The following PDE8B variants were observed in gnomAD, a reference collection of about 807,000 sequenced individuals.
PDE8B encodes phosphodiesterase 8B.
In PDE8B, 26 loss-of-function variants were observed where a neutral mutation model predicts 101.3. That is an observed-to-expected ratio of 0.26 (90% confidence interval 0.19 to 0.36). The LOEUF is 0.36. Ranked by LOEUF, PDE8B falls within the 10% of genes least tolerant of loss-of-function variation. The probability of loss-of-function intolerance (pLI) is 1.00; values close to 1 mark genes in which losing one functional copy is unlikely to be tolerated. For synonymous variants in PDE8B, 424 were observed against 429.3 expected, an observed-to-expected ratio of 0.99 and a Z score of 0.15; for missense variants, 810 against 1,163.1, an observed-to-expected ratio of 0.70 and a Z score of 4.42.
chr5:77,410,225 C>T (rs1331639940), intron 14 of PDE8B, among the ~76,000 whole-genome samples: 2 of 152,222 alleles, frequency 1.3e-5, no homozygotes, highest in African/African-American at 4.8e-5. Flanking sequence ...GCTTGCAGAG[C>T]GGGGCTACCC....
intron 1 of PDE8B, among the ~76,000 whole-genome samples, chr5:77,257,610 A>T (rs1191487626): frequency 6.6e-6 from 1 of 152,192 alleles, no homozygotes; most frequent in Non-Finnish European, 1.5e-5. Flanking sequence ...ATAAATAAAT[A>T]AACCAACATT....
At position 77,309,941 on chromosome 5, in the gene PDE8B, A is replaced by ACCTTTTTTT. The variant is rs772985826; in HGVS notation, c.340-2053_340-2052insCCTTTTTTT. 1.6e-3 allele frequency among the ~76,000 whole-genome samples: 132 copies of ACCTTTTTTT among 83,082 alleles called. 4 individuals are homozygous for ACCTTTTTTT. The highest frequency in any genetic ancestry group is 4.6e-3 in the East Asian group (10 of 2,184). 54.5% of individuals were successfully genotyped at this position (83,082 alleles called of 152,430 possible). ...AACTGGTTTCCCTTTTTAATCATTA[A>ACCTTTTTTT]TCTTTTTTTTTTTTTTTTTTTTTTT... On this transcript the variant is annotated intron_variant, in intron 1 of 21. Transcript: ENST00000264917.
chr5:77,274,488 C>T (rs952683407), intron 1 of PDE8B, among the ~76,000 whole-genome samples: 1 of 152,224 alleles, frequency 6.6e-6, no homozygotes, highest in Non-Finnish European at 1.5e-5. Flanking sequence ...TCTGACATGT[C>T]CCAGGTGCTA....
intron 1 of PDE8B, among the ~76,000 whole-genome samples, chr5:77,287,141 C>T (rs999296741): frequency 1.3e-4 from 20 of 152,196 alleles, no homozygotes; most frequent in African/African-American, 4.8e-4. Flanking sequence ...AGATCATTTG[C>T]CTTCTTTCTA....
chr5:77,329,445 T>G (rs1561535096), intron 4 of PDE8B, among the ~76,000 whole-genome samples: 1 of 152,180 alleles, frequency 6.6e-6, no homozygotes, highest in African/African-American at 2.4e-5. Flanking sequence ...AAACACATTT[T>G]TTTTCATATT....
chr5:77,325,334 AT>A (rs1775841844), intron 2 of PDE8B, among the ~76,000 whole-genome samples: 2 of 151,892 alleles, frequency 1.3e-5, no homozygotes, highest in Non-Finnish European at 2.9e-5. Flanking sequence ...TGCCTGGCTA[AT>A]TTTTTTGTAT....
At chr5:77,419,571 A>T (rs1796210911) in intron 18 of PDE8B, among the ~76,000 whole-genome samples, 196 bp from the exon 19 acceptor site, 1 of 152,180 alleles carries the variant, frequency 6.6e-6, no homozygotes, top group African/African-American at 2.4e-5. Context: ...AGGGTCAGCT[A>T]TCACTGGGGA....
chr5:77,182,110 A>G, the PDE8B span, among the ~76,000 whole-genome samples: 1 of 152,082 alleles, frequency 6.6e-6, no homozygotes, highest in Non-Finnish European at 1.5e-5. Flanking sequence ...AACTCAGGGC[A>G]AGAGGTACAA....
chr5:77,422,222 G>C (rs1796807995), intron 20 of PDE8B, among the ~76,000 whole-genome samples: 1 of 152,178 alleles, frequency 6.6e-6, no homozygotes, highest in Non-Finnish European at 1.5e-5. Flanking sequence ...TGAGCCTTTG[G>C]AAGTAACTTT....
chr5:77,231,101 G>T (rs1374177365), intron 1 of PDE8B, among the ~76,000 whole-genome samples: 1 of 152,236 alleles, frequency 6.6e-6, no homozygotes, highest in African/African-American at 2.4e-5. Flanking sequence ...CATGCAGTGT[G>T]TGTTGGTACT....
At chr5:77,191,462 C>T in the PDE8B span, among the ~76,000 whole-genome samples, 1 of 151,968 alleles carries the variant, frequency 6.6e-6, no homozygotes, top group African/African-American at 2.4e-5. Context: ...ATGCCATTCT[C>T]CTGCCTCAGC....
At chr5:77,193,151 A>G in the PDE8B span, among the ~76,000 whole-genome samples, 5 of 152,184 alleles carry the variant, frequency 3.3e-5, no homozygotes, top group Non-Finnish European at 7.4e-5. Flanking sequence ...ATATCTTTAA[A>G]AGAGCAGACT....
At chr5:77,330,271 C>T (rs149758076) in intron 4 of PDE8B, among the ~76,000 whole-genome samples, 2 of 152,294 alleles carry the variant, frequency 1.3e-5, no homozygotes, top group African/African-American at 4.8e-5. Flanking sequence ...GGCTATTACA[C>T]GGGTCCAAGA....
intron 10 of PDE8B, among the ~76,000 whole-genome samples, chr5:77,389,739 C>G (rs1490564675): frequency 6.6e-6 from 1 of 152,176 alleles, no homozygotes; most frequent in Non-Finnish European, 1.5e-5. Flanking sequence ...GTTGGCTTCT[C>G]TCACTCATAA....
At chr5:77,247,595 C>T (rs965033357) in intron 1 of PDE8B, among the ~76,000 whole-genome samples, 9 of 152,048 alleles carry the variant, frequency 5.9e-5, no homozygotes, top group Non-Finnish European at 7.4e-5. Context: ...TGCCAGGCCT[C>T]GGGCTGGGGC....
At chr5:77,354,252 G>GGTGAGCCCA (rs1781684099) in intron 10 of PDE8B, among the ~76,000 whole-genome samples, 1 of 152,162 alleles carries the variant, frequency 6.6e-6, no homozygotes, top group Non-Finnish European at 1.5e-5. Context: ...TAGACAGTGG[G>GGTGAGCCCA]GTGAGCCCAG....
At chr5:77,210,487 G>T (rs1464323875), upstream of PDE8B, 13 of 324,592 alleles carry the variant, frequency 4.0e-5, no homozygotes, top group African/African-American at 2.7e-4. The surrounding 1 kb of genome is among the most constrained non-coding windows in gnomAD (Gnocchi z 4.9). Context: ...CCGAAAGTGG[G>T]GAAAGAAGGT....
chr5:77,181,726 T>TG, the PDE8B span, among the ~76,000 whole-genome samples: 1 of 152,126 alleles, frequency 6.6e-6, no homozygotes, highest in Non-Finnish European at 1.5e-5. Context: ...TCAGGGTGGC[T>TG]GGGGGCATGC....
chr5:77,409,239 T>G (rs1794078248), intron 14 of PDE8B, among the ~76,000 whole-genome samples, 182 bp downstream of exon 14: 1 of 152,242 alleles, frequency 6.6e-6, no homozygotes, highest in South Asian at 2.1e-4. Context: ...TGAGTGACTC[T>G]TGCATTTGTC....
Sources: gnomAD v4.1 joint callset for allele counts (sites outside exome capture counted in the v4.1 genomes callset) on GRCh38, gnomAD v4.1.1 for gene constraint, Gnocchi (gnomAD v3.1) non-coding constraint, MANE v1.5 for transcripts, NCBI Gene and HGNC (gene_info 2026-07-23, HGNC 2026-07-21) for gene names.